The following EVC2 variants were observed in gnomAD, a reference collection of about 807,000 sequenced individuals.
EVC2 encodes limbin.
EVC2 carries 148 observed loss-of-function variants against 149.3 expected under a neutral mutation model. The observed-to-expected ratio is 0.99, with a 90% confidence interval of 0.87 to 1.14. The LOEUF is 1.14. Ranked by LOEUF, EVC2 falls within the 50% of genes most tolerant of loss-of-function variation. EVC2 has a pLI of 0.00. For synonymous variants in EVC2, 776 were observed against 649.9 expected, an observed-to-expected ratio of 1.19 and a Z score of -2.95; for missense variants, 1,854 against 1,627.3, an observed-to-expected ratio of 1.14 and a Z score of -2.40.
Position 5,637,130 on chromosome 4 carries a change from G to C in EVC2, c.1470+3384C>G, listed in dbSNP as rs756550388. On this transcript the variant is annotated intron_variant, in intron 10 of 21. Transcript: ENST00000344408. This position sits in a 1 kb window ranked among gnomAD's most constrained non-coding sequence, Gnocchi z 4.4. ...AAGCCCTGAGGAGGAGAGGGACTGC[G>C]TGACAGATGGGAGTAGGGCACCGAC... is the stretch of plus-strand genomic sequence containing the variant. Among the ~76,000 whole-genome samples the C allele has an allele frequency of 1.3e-4, 20 of 152,292 alleles. No homozygotes were observed. The highest frequency in any genetic ancestry group is 2.5e-4 in the Non-Finnish European group (17 of 68,042).
At chr4:5,689,418 C>G in intron 4 of EVC2, 75 bp from the exon 5 acceptor site, 2 of 1,474,046 alleles carry the variant, frequency 1.4e-6, no homozygotes, top group South Asian at 1.2e-5. Flanking sequence ...ATGAGCCCAG[C>G]CTGTGCACAT....
intron 19 of EVC2, among the ~76,000 whole-genome samples, chr4:5,573,590 C>G (rs1419889370): frequency 6.6e-6 from 1 of 152,194 alleles, no homozygotes; most frequent in East Asian, 1.9e-4. Flanking sequence ...GCAGGCAAAT[C>G]CGCCAACACC....
chr4:5,616,699 C>CTATCTCGGGA (rs1369591234), intron 15 of EVC2, among the ~76,000 whole-genome samples: 1 of 152,248 alleles, frequency 6.6e-6, no homozygotes, highest in Non-Finnish European at 1.5e-5. Flanking sequence ...TTCTCTGCCG[C>CTATCTCGGGA]TATCTCGGGA....
chr4:5,705,825 T>A (rs1211028383), intron 1 of EVC2, among the ~76,000 whole-genome samples: 5 of 152,142 alleles, frequency 3.3e-5, no homozygotes. Context: ...CTATAATGGT[T>A]CAGTGACGCC....
intron 17 of EVC2, among the ~76,000 whole-genome samples, chr4:5,578,032 A>G (rs1280366473): frequency 6.4e-5 from 7 of 108,944 alleles, no homozygotes; most frequent in Non-Finnish European, 8.4e-5. Context: ...CCTGGTTAGG[A>G]ATGGAATAGA....
chr4:5,584,992 G>C, intron 16 of EVC2, 142 bp from the exon 17 acceptor site: 1 of 885,944 alleles, frequency 1.1e-6, no homozygotes, highest in South Asian at 1.4e-5. Flanking sequence ...CTGGGAACCT[G>C]CAGGGAGCAA....
intron 16 of EVC2, among the ~76,000 whole-genome samples, chr4:5,592,955 G>T (rs1418910080): frequency 6.6e-6 from 1 of 152,160 alleles, no homozygotes; most frequent in Non-Finnish European, 1.5e-5. Flanking sequence ...AATCATGGGG[G>T]TGATTACCTC....
intron 17 of EVC2, among the ~76,000 whole-genome samples, chr4:5,580,420 G>A (rs1711646323): frequency 6.6e-6 from 1 of 152,162 alleles, no homozygotes; most frequent in Admixed American, 6.5e-5. Context: ...AGAGTTTTAG[G>A]ATAAAATCGA....
chr4:5,604,592 ATACAGT>A (rs1255759317), intron 16 of EVC2, among the ~76,000 whole-genome samples: 1 of 152,194 alleles, frequency 6.6e-6, no homozygotes, highest in Non-Finnish European at 1.5e-5. Context: ...GAGGACAAAC[ATACAGT>A]TAGATAGAAG....
At chr4:5,615,575 G>C in intron 15 of EVC2, 31 bp from the exon 16 acceptor site, 8 of 1,614,068 alleles carry the variant, frequency 5.0e-6, no homozygotes, top group Non-Finnish European at 5.9e-6. Context: ...ACGTGGGTAA[G>C]AAGGCAATCA....
intron 16 of EVC2, among the ~76,000 whole-genome samples, chr4:5,586,551 C>A (rs1199133237): frequency 6.6e-6 from 1 of 152,136 alleles, no homozygotes; most frequent in Admixed American, 6.5e-5. Context: ...TCAGATAGAA[C>A]AGACTCTTTA....
chr4:5,598,669 C>G lies in EVC2; in HGVS notation c.2830-13819G>C, dbSNP rs887571626. Among the ~76,000 whole-genome samples the G allele has an allele frequency of 7.9e-5, 12 of 152,112 alleles. 1 individual carries two copies. The highest frequency in any genetic ancestry group is 2.9e-5 in the Non-Finnish European group (2 of 67,988). Reference sequence around the variant, plus strand: ...AGGACATAGGCATGGGCAAGGACTTCATGTCTAAAACACCAAAAGCAATGG... The same window carrying G: ...AGGACATAGGCATGGGCAAGGACTTGATGTCTAAAACACCAAAAGCAATGG... On this transcript the variant is annotated intron_variant, in intron 16 of 21. Coordinates refer to ENST00000344408, the MANE Select transcript of EVC2 (RefSeq NM_147127.5).
At chr4:5,607,635 C>G (rs1714493128) in intron 16 of EVC2, among the ~76,000 whole-genome samples, 1 of 152,100 alleles carries the variant, frequency 6.6e-6, no homozygotes, top group African/African-American at 2.4e-5. Context: ...ATTTGTCGGT[C>G]TCTCCTTTCC....
In EVC2 at chr4:5,562,907, TG is replaced by T; in HGVS notation, c.3867del (p.Arg1290GlyfsTer7). 1 of 1,614,224 alleles carries T rather than the reference TG, an allele frequency of 6.2e-7. No individual in the cohort carries two copies. Among genetic ancestry groups the T allele is most frequent in the Non-Finnish European group, 8.5e-7 (1 of 1,180,046 alleles). ...KEPEISLHVP[P>X]RKKKNFLNAK... Reference sequence around the variant, plus strand: ...GCATTCAAAAAGTTCTTCTTTTTCCTGGGAGGAACGTGCAGTGAGATCTCTG... The same window carrying T: ...GCATTCAAAAAGTTCTTCTTTTTCCTGGAGGAACGTGCAGTGAGATCTCTG... On this transcript the variant is annotated frameshift_variant, in exon 22 of 22. Coordinates refer to ENST00000344408, the MANE Select transcript of EVC2 (RefSeq NM_147127.5). LOFTEE classifies it high-confidence loss of function. The surrounding 1 kb of genome is among the most constrained non-coding windows in gnomAD (Gnocchi z 4.3).
intron 9 of EVC2, among the ~76,000 whole-genome samples, chr4:5,660,911 A>C (rs1374073872): frequency 6.6e-6 from 1 of 152,230 alleles, no homozygotes; most frequent in Non-Finnish European, 1.5e-5. Flanking sequence ...TGCTTCAACT[A>C]TCAAACACTG....
At chr4:5,661,026 A>G (rs1332484336) in intron 9 of EVC2, among the ~76,000 whole-genome samples, 1 of 152,260 alleles carries the variant, frequency 6.6e-6, no homozygotes, top group Non-Finnish European at 1.5e-5. Flanking sequence ...TGACATAAAC[A>G]TAAGGTATTT....
At position 5,686,945 on chromosome 4, in the gene EVC2, A is replaced by G. The variant is rs924978536; in HGVS notation, c.707-1466T>C. ...GCATGGGCATAAATAACAAGAATGG[A>G]GCAGTAAGAATAAAAATAACAACAA... On this transcript the variant is annotated intron_variant, in intron 5 of 21. Coordinates refer to ENST00000344408, the MANE Select transcript of EVC2 (RefSeq NM_147127.5). This position sits in a 1 kb window ranked among gnomAD's most constrained non-coding sequence, Gnocchi z 5.4. Among the ~76,000 whole-genome samples, 11 of 152,118 alleles carry G rather than the reference A, an allele frequency of 7.2e-5. No homozygotes were observed. The highest frequency in any genetic ancestry group is 2.7e-4 in the African/African-American group (11 of 41,436).
At chr4:5,536,605 AAAC>A in the EVC2 span, among the ~76,000 whole-genome samples, 1 of 152,124 alleles carries the variant, frequency 6.6e-6, no homozygotes, top group South Asian at 2.1e-4. Context: ...TAACATGGTG[AAAC>A]CCCGTTTCTA....
In EVC2 at chr4:5,686,545, G is replaced by C. The variant is rs1013829710; in HGVS notation, c.707-1066C>G. Among the ~76,000 whole-genome samples the C allele has an allele frequency of 1.3e-5, 2 of 152,122 alleles. No homozygotes were observed. Among genetic ancestry groups the C allele is most frequent in the African/African-American group, 2.4e-5 (1 of 41,416 alleles). On this transcript the variant is annotated intron_variant, in intron 5 of 21. Transcript: ENST00000344408. The surrounding 1 kb of genome is among the most constrained non-coding windows in gnomAD (Gnocchi z 5.4). ...CACACACTGCCCCGAGATGGATGGAGAACACGTGATTTTCTGCAACATACA... is the reference window on the plus strand; with the variant it reads ...CACACACTGCCCCGAGATGGATGGACAACACGTGATTTTCTGCAACATACA...
Sources: allele counts gnomAD v4.1 joint callset (sites outside exome capture counted in the v4.1 genomes callset), GRCh38; gene constraint gnomAD v4.1.1; non-coding constraint Gnocchi (gnomAD v3.1); transcripts MANE v1.5; gene names NCBI Gene and HGNC (gene_info 2026-07-23, HGNC 2026-07-21).